LPP: variants seen among roughly 807,000 people sequenced by gnomAD.
LPP encodes LIM domain containing preferred translocation partner in lipoma.
A neutral mutation model predicts 60.4 loss-of-function variants in LPP; 38 were observed. The ratio of observed to expected loss-of-function variants is 0.63; its 90% confidence interval spans 0.49 to 0.83. The LOEUF is 0.83. Ranked by LOEUF, LPP falls within the 40% of genes least tolerant of loss-of-function variation. LPP has a pLI of 0.00. For missense variants in LPP, 902 were observed against 783.6 expected (o/e 1.15, Z -1.80); for synonymous variants, 328 against 290.8 (o/e 1.13, Z -1.30).
At chr3:188,208,156 T>A (rs1178199657) in intron 1 of LPP, 1 of 152,236 alleles carries the variant, frequency 6.6e-6, no homozygotes, top group Non-Finnish European at 1.5e-5. Context: ...CTGGCGAAGA[T>A]CCGGCCCCTC....
Position 188,708,289 on chromosome 3 carries a change from G to T in LPP, c.1136G>T (p.Gly379Val). Residue 379 changes from glycine to valine, a missense_variant, in exon 8 of 12, where the codon GGG (glycine) becomes GTG (valine). Coordinates refer to ENST00000617246, the MANE Select transcript of LPP (RefSeq NM_001375462.1). ...QPKGGHSGQL[G>V]PSSVAPSFRP... ...CAGGGTGGCCATTCAGGGCAACTGGGGCCTTCGTCAGTTGCCCCTTCATTC... is the reference window on the plus strand; with the variant it reads ...CAGGGTGGCCATTCAGGGCAACTGGTGCCTTCGTCAGTTGCCCCTTCATTC... The T allele has an allele frequency of 6.2e-7, 1 of 1,614,102 alleles. No individual in the cohort carries two copies. The highest frequency in any genetic ancestry group is 8.5e-7 in the Non-Finnish European group (1 of 1,179,988).
chr3:188,415,752 C>A (rs1786070409), intron 4 of LPP, among the ~76,000 whole-genome samples: 1 of 83,118 alleles, frequency 1.2e-5, no homozygotes, highest in African/African-American at 4.5e-5. Context: ...TTCATGATTG[C>A]TAGGGGACAG....
At chr3:188,411,445 A>G (rs1560369314) in intron 4 of LPP, among the ~76,000 whole-genome samples, 1 of 152,202 alleles carries the variant, frequency 6.6e-6, no homozygotes, top group African/African-American at 2.4e-5. Flanking sequence ...CATTACATGA[A>G]AAAGACACCT....
At chr3:188,500,300 T>G (rs1811450384) in intron 5 of LPP, among the ~76,000 whole-genome samples, 1 of 152,172 alleles carries the variant, frequency 6.6e-6, no homozygotes, top group Non-Finnish European at 1.5e-5. Flanking sequence ...ATTTTTCTTA[T>G]GAAAGGATAT....
intron 2 of LPP, among the ~76,000 whole-genome samples, chr3:188,273,541 T>G (rs1738539353): frequency 6.6e-6 from 1 of 151,938 alleles, no homozygotes; most frequent in Non-Finnish European, 1.5e-5. Context: ...CTGATACTTT[T>G]GTACTTTTGC....
chr3:188,443,717 T>G (rs1017965130), intron 4 of LPP, among the ~76,000 whole-genome samples: 1 of 152,212 alleles, frequency 6.6e-6, no homozygotes. Context: ...TTCCTTAAGA[T>G]GGAAACAAGT....
intron 6 of LPP, among the ~76,000 whole-genome samples, chr3:188,594,174 A>G (rs796938734): frequency 6.6e-5 from 10 of 152,340 alleles, no homozygotes; most frequent in African/African-American, 1.9e-4. Context: ...GCACTTACAC[A>G]TGGAATATCA....
chr3:188,333,288 C>T (rs947145940), intron 2 of LPP, among the ~76,000 whole-genome samples: 4 of 152,110 alleles, frequency 2.6e-5, no homozygotes, highest in Non-Finnish European at 4.4e-5. Context: ...AATTTTTTCT[C>T]TATTGCAAAG....
chr3:188,519,659 G>A (rs1209007544), intron 5 of LPP, among the ~76,000 whole-genome samples: 1 of 152,038 alleles, frequency 6.6e-6, no homozygotes, highest in Non-Finnish European at 1.5e-5. Context: ...GTGCATATGG[G>A]GGATGTCGGG....
intron 2 of LPP, among the ~76,000 whole-genome samples, chr3:188,301,655 T>TTTA (rs1331603010): frequency 6.6e-6 from 1 of 151,866 alleles, no homozygotes; most frequent in Non-Finnish European, 1.5e-5. Flanking sequence ...ATTGATTTTA[T>TTTA]TTATTTATTA....
At position 188,609,264 on chromosome 3, in the gene LPP, C is replaced by G. The variant is rs1236336023; in HGVS notation, c.533C>G (p.Ser178Cys). The change falls in exon 7 of 12, where the codon TCT becomes TGT. Residue 178 changes from serine (S) to cysteine (C), a missense_variant. By Grantham distance (112) the Ser-to-Cys change is moderately radical. Transcript: ENST00000617246. This position sits in a 1 kb window ranked among gnomAD's most constrained non-coding sequence, Gnocchi z 6.9. ...NQPPLTATKK[S>C]TLKPQPAPQA... is the part of the protein sequence containing the mutation. Reference sequence around the variant, plus strand: ...CCCCCTCTAACAGCAACCAAGAAGTCTACATTGAAACCACAGCCTGCACCC... The same window carrying G: ...CCCCCTCTAACAGCAACCAAGAAGTGTACATTGAAACCACAGCCTGCACCC... The G allele has an allele frequency of 6.2e-7, 1 of 1,614,098 alleles. No homozygotes were observed. Among genetic ancestry groups the G allele is most frequent in the East Asian group, 2.2e-5 (1 of 44,862 alleles).
chr3:188,878,980 C>A lies in LPP; in HGVS notation c.*4501C>A, dbSNP rs574065839. ...CAGATAATGAGGACAGAGACTTCAA[C>A]TTGATTCTTTACCACCATTCAGCAT... On this transcript the variant is annotated 3_prime_UTR_variant, in exon 12 of 12. Coordinates refer to ENST00000617246, the MANE Select transcript of LPP (RefSeq NM_001375462.1). The A allele has an allele frequency of 4.4e-6, 1 of 227,914 alleles. No individual in the cohort carries two copies. The highest frequency in any genetic ancestry group is 2.2e-5 in the African/African-American group (1 of 45,200). 14.1% of individuals were successfully genotyped at this position (227,914 alleles called of 1,614,324 possible). A position where few individuals can be genotyped will look rare whatever the true frequency, so the allele number is the denominator to read the frequency against.
chr3:188,533,437 A>G (rs1822724090), intron 6 of LPP, among the ~76,000 whole-genome samples: 1 of 152,138 alleles, frequency 6.6e-6, no homozygotes, highest in African/African-American at 2.4e-5. Flanking sequence ...TGGGTAATAA[A>G]TACTCTGTTG....
rs1489490554 is a variant in LPP, at chr3:188,889,565, C to T, written c.*15086C>T. Reference sequence around the variant, plus strand: ...CTTTATCCAAGGAAGCTCTTGGTGTCCTCTTGGTCATAAAGTTGTCTCCTA... The same window carrying T: ...CTTTATCCAAGGAAGCTCTTGGTGTTCTCTTGGTCATAAAGTTGTCTCCTA... On this transcript the variant is annotated 3_prime_UTR_variant, in exon 12 of 12. Transcript: ENST00000617246. 2 of 228,494 alleles carry T rather than the reference C, an allele frequency of 8.8e-6. No individual in the cohort carries two copies. The highest frequency in any genetic ancestry group is 1.1e-4 in the Admixed American group (2 of 17,622). The allele number at this position is 228,494 out of a possible 1,614,324, so 14.2% of individuals were successfully genotyped here.
intron 3 of LPP, among the ~76,000 whole-genome samples, chr3:188,346,251 CTTT>C (rs1050679907): frequency 4.5e-5 from 4 of 88,344 alleles, no homozygotes; most frequent in South Asian, 4.3e-4. Context: ...AGTAGCAAAT[CTTT>C]TTTTTTTTTT....
At chr3:188,358,445 T>C (rs1650272648) in intron 3 of LPP, among the ~76,000 whole-genome samples, 1 of 152,116 alleles carries the variant, frequency 6.6e-6, no homozygotes, top group Non-Finnish European at 1.5e-5. Context: ...CAACTATAAC[T>C]TAAAGTAGAT....
At chr3:188,240,285 C>T (rs190829333) in intron 2 of LPP, 4 of 167,956 alleles carry the variant, frequency 2.4e-5, no homozygotes, top group East Asian at 1.2e-4. Context: ...GTAGGAATAG[C>T]TTACAGCTTG....
At chr3:188,576,550 T>C (rs1834660559) in intron 6 of LPP, among the ~76,000 whole-genome samples, 1 of 152,152 alleles carries the variant, frequency 6.6e-6, no homozygotes, top group Non-Finnish European at 1.5e-5. Context: ...CAGGATTCCT[T>C]ATTTGCAGTC....
rs116056907 is a variant in LPP at position 188,441,303 on chromosome 3, C to T, written c.193+34990C>T. Among the ~76,000 whole-genome samples the T allele has an allele frequency of 5.9e-3, 900 of 152,082 alleles. 8 individuals are homozygous for T. The highest frequency in any genetic ancestry group is 9.6e-3 in the Non-Finnish European group (655 of 67,992). On this transcript the variant is annotated intron_variant, in intron 4 of 11. Coordinates refer to ENST00000617246, the MANE Select transcript of LPP (RefSeq NM_001375462.1). ...TAATCTTCACCATGCTGTGTGTATG[C>T]GTGCGTATGTGTTTATCAGAATATA... is the stretch of plus-strand genomic sequence containing the variant.
Sources: gnomAD v4.1 joint callset for allele counts (sites outside exome capture counted in the v4.1 genomes callset) on GRCh38, gnomAD v4.1.1 for gene constraint, Gnocchi (gnomAD v3.1) non-coding constraint, MANE v1.5 for transcripts, NCBI Gene and HGNC (gene_info 2026-07-23, HGNC 2026-07-21) for gene names.